Variants in TBC1D2 observed in about 807,000 individuals in gnomAD.
TBC1D2 encodes the protein TBC1 domain family member 2.
In TBC1D2, 58 loss-of-function variants were observed where a neutral mutation model predicts 91.1. The ratio of observed to expected loss-of-function variants is 0.64; its 90% CI spans 0.52 to 0.79. TBC1D2 has a LOEUF of 0.79. Among genes scored for constraint, TBC1D2 ranks in the 30% least tolerant of loss-of-function variants. The probability of loss-of-function intolerance (pLI) is 0.00; values close to 1 mark genes in which losing one functional copy is unlikely to be tolerated. For missense variants in TBC1D2, 1,080 were observed against 1,208.3 expected (o/e 0.89, Z 1.57); for synonymous variants, 482 against 511.5 (o/e 0.94, Z 0.78).
chr9:98,224,023 C>A (rs919434695), intron 5 of TBC1D2, among the ~76,000 whole-genome samples: 3 of 151,882 alleles, frequency 2.0e-5, no homozygotes, highest in African/African-American at 7.3e-5. Context: ...CATGGTGAAA[C>A]CCCGTCTCTA....
intron 5 of TBC1D2, among the ~76,000 whole-genome samples, chr9:98,226,949 T>C (rs1186527872): frequency 6.6e-6 from 1 of 152,240 alleles, no homozygotes; most frequent in African/African-American, 2.4e-5. Flanking sequence ...AATCTAGGTT[T>C]CCTGGGGCCT....
At chr9:98,220,054 C>T (rs1829056959) in intron 6 of TBC1D2, among the ~76,000 whole-genome samples, 1 of 151,948 alleles carries the variant, frequency 6.6e-6, no homozygotes, top group South Asian at 2.1e-4. Flanking sequence ...GGTGGGGAAG[C>T]CTAGGGAAAG....
In TBC1D2 at chr9:98,221,058, C is replaced by T. The variant is rs1473469880; in HGVS notation, c.1149G>A (p.Arg383=). Residue 383 remains arginine, a synonymous_variant, in exon 6 of 13, where the codon CGG becomes CGA. Coordinates refer to ENST00000465784, the MANE Select transcript of TBC1D2 (RefSeq NM_001267571.2). ...GGCTCGCTGTGTGCGCCAGGCTCTCCCGCTCCTGCTCCAGGGCCTCCACCC... is the reference window on the plus strand; with the variant it reads ...GGCTCGCTGTGTGCGCCAGGCTCTCTCGCTCCTGCTCCAGGGCCTCCACCC... ...GRRVEALEQE[R]ESLAHTASLR... 1 of 1,611,928 alleles carries T rather than the reference C, an allele frequency of 6.2e-7. No homozygotes were observed. The highest frequency in any genetic ancestry group is 1.1e-5 in the South Asian group (1 of 90,984).
intron 3 of TBC1D2, among the ~76,000 whole-genome samples, chr9:98,240,785 T>G (rs1829619962): frequency 1.3e-5 from 2 of 152,170 alleles, no homozygotes; most frequent in African/African-American, 4.8e-5. Context: ...AATGGGAAGC[T>G]CGCTACCTTC....
At chr9:98,221,740 T>C (rs546681455) in intron 5 of TBC1D2, among the ~76,000 whole-genome samples, 19 of 152,322 alleles carry the variant, frequency 1.2e-4, no homozygotes, top group Admixed American at 4.6e-4. Flanking sequence ...TGAAACTTTT[T>C]TTTTTTGAGA....
At chr9:98,240,166 GGT>G (rs60630078) in intron 3 of TBC1D2, among the ~76,000 whole-genome samples, 9,971 of 137,644 alleles carry the variant, frequency 0.072, 375 homozygotes, top group East Asian at 0.17. Context: ...GTGTTTGTGT[GGT>G]GTGTGTGTGT....
intron 2 of TBC1D2, among the ~76,000 whole-genome samples, chr9:98,249,679 G>A (rs1302571965): frequency 6.6e-6 from 1 of 152,078 alleles, no homozygotes; most frequent in African/African-American, 2.4e-5. Flanking sequence ...AAGAATAAAA[G>A]GAACAGTTAT....
In TBC1D2 at chr9:98,200,258, G is replaced by T. The variant is rs778211899; in HGVS notation, c.2574C>A (p.Asn858Lys). 1.9e-6 allele frequency: 3 copies of T among 1,613,916 alleles called. No individual in the cohort carries two copies. In the South Asian group the frequency reaches 3.3e-5, roughly 18 times the overall value. Residue 858 changes from asparagine to lysine, a missense_variant, in exon 12 of 13, where the codon AAC becomes AAA. Coordinates refer to ENST00000465784, the MANE Select transcript of TBC1D2 (RefSeq NM_001267571.2). ...AGGGGGTGGGGGTTCCTCACCGGCT[G>T]TTGGAGATGGTCTTGGTGAAGAAGC... is the stretch of plus-strand genomic sequence containing the variant. ...YLRFFTKTIS[N>K]SRKLMNIAFN...
intron 1 of TBC1D2, among the ~76,000 whole-genome samples, chr9:98,254,527 G>A (rs1217869974): frequency 2.6e-5 from 4 of 152,186 alleles, no homozygotes; most frequent in African/African-American, 9.7e-5. Context: ...ATCCAAGCCC[G>A]TCTGATTTCA....
At chr9:98,204,845 G>C (rs1019140754) in intron 9 of TBC1D2, among the ~76,000 whole-genome samples, 1 of 152,200 alleles carries the variant, frequency 6.6e-6, no homozygotes, top group Non-Finnish European at 1.5e-5. Context: ...GATAGCAAAC[G>C]TGAGATACAC....
At position 98,201,582 on chromosome 9, in the gene TBC1D2, A is replaced by G; in HGVS notation, c.2354T>C (p.Leu785Pro). 6.2e-7 allele frequency: 1 copy of G among 1,614,114 alleles called. No homozygotes were observed. The highest frequency in any genetic ancestry group is 8.5e-7 in the Non-Finnish European group (1 of 1,180,004). ...MAHLGQHHVD[L>P]SLVTFNWFLV... ...GAACCAGTTGAAGGTGACGAGGGAG[A>G]GATCCACGTGGTGCTGCCCCAGATG... The change falls in exon 11 of 13, where the codon CTC (leucine) becomes CCC (proline). Residue 785 changes from leucine to proline, a missense_variant. Transcript: ENST00000465784.
intron 6 of TBC1D2, among the ~76,000 whole-genome samples, chr9:98,215,628 C>T (rs561707239): frequency 6.6e-6 from 1 of 152,332 alleles, no homozygotes; most frequent in Admixed American, 6.5e-5. Flanking sequence ...CCACCTCAGC[C>T]TGTCAAGTAG....
At chr9:98,237,817 G>T (rs1177191983) in intron 3 of TBC1D2, among the ~76,000 whole-genome samples, 1 of 151,806 alleles carries the variant, frequency 6.6e-6, no homozygotes, top group Non-Finnish European at 1.5e-5. Context: ...CCAGAATTTT[G>T]ATGGTGATTA....
Position 98,199,484 on chromosome 9 carries a change from T to TC in TBC1D2, c.2683dup (p.Glu895GlyfsTer6), listed in dbSNP as rs1828424322. The stretch of plus-strand genomic sequence containing the variant: ...GTACTCTGCCTTAAGCTGCTCCAGC[T>TC]CCCGCAGCTCAGCCTCCAGCCGCTC... On this transcript the variant is annotated frameshift_variant, in exon 13 of 13. Transcript: ENST00000465784. LOFTEE classifies it low-confidence loss of function (END_TRUNC). The TC allele has an allele frequency of 1.9e-6, 3 of 1,613,700 alleles. No homozygotes were observed. Among genetic ancestry groups the TC allele is most frequent in the East Asian group, 2.2e-5 (1 of 44,870 alleles).
chr9:98,220,805 C>T, intron 6 of TBC1D2, 28 bp downstream of exon 6: 1 of 1,606,870 alleles, frequency 6.2e-7, no homozygotes, highest in Non-Finnish European at 8.5e-7. Flanking sequence ...ACCGGCAGGA[C>T]TGGCAGGCCC....
Position 98,199,331 on chromosome 9 carries a change from G to A in TBC1D2, c.*50C>T, listed in dbSNP as rs1348541251. The A allele has an allele frequency of 1.9e-6, 3 of 1,604,322 alleles. No individual in the cohort carries two copies. Among genetic ancestry groups the A allele is most frequent in the Non-Finnish European group, 2.6e-6 (3 of 1,173,888 alleles). ...ACTGGTCCGTGCCTGACCTCCAGTG[G>A]GTCTGCCAGCCAAGGGTGAGGAAGG... On this transcript the variant is annotated 3_prime_UTR_variant, in exon 13 of 13. Coordinates refer to ENST00000465784, the MANE Select transcript of TBC1D2 (RefSeq NM_001267571.2).
chr9:98,224,121 C>T (rs1007266948), intron 5 of TBC1D2, among the ~76,000 whole-genome samples: 5 of 150,850 alleles, frequency 3.3e-5, no homozygotes, highest in African/African-American at 7.3e-5. Flanking sequence ...GGTGTGAACC[C>T]GGGAGGCGGA....
chr9:98,241,465 C>G (rs575669772), intron 3 of TBC1D2, among the ~76,000 whole-genome samples: 2 of 152,334 alleles, frequency 1.3e-5, no homozygotes, highest in East Asian at 3.9e-4. Flanking sequence ...TCTCATCTCA[C>G]CAAGTAGTCT....
At position 98,229,069 on chromosome 9, in the gene TBC1D2, CT is replaced by C. The variant is rs1564249513; in HGVS notation, c.860del (p.Gln287ArgfsTer30). 6.2e-7 allele frequency: 1 copy of C among 1,614,244 alleles called. No homozygotes were observed. The highest frequency in any genetic ancestry group is 8.5e-7 in the Non-Finnish European group (1 of 1,180,052). On this transcript the variant is annotated frameshift_variant, in exon 5 of 13. Coordinates refer to ENST00000465784, the MANE Select transcript of TBC1D2 (RefSeq NM_001267571.2). LOFTEE classifies it high-confidence loss of function. ...CAGAAAAGAATGGGAAGGTGTTGTT[CT>C]GGCGCTTGGCTTTCTGAGCGAAACT... ...TISFAQKAKR[Q>X]NNTFPFFSEG...
Sources: gnomAD v4.1 joint callset for allele counts (sites outside exome capture counted in the v4.1 genomes callset) on GRCh38, gnomAD v4.1.1 for gene constraint, MANE v1.5 for transcripts, NCBI Gene and HGNC (gene_info 2026-07-23, HGNC 2026-07-21) for gene names.